The following LHX4 variants were observed in gnomAD, a reference collection of about 807,000 sequenced individuals.
The protein encoded by LHX4 is LIM/homeobox protein Lhx4.
A neutral mutation model predicts 39.2 loss-of-function variants in LHX4; 16 were observed. The ratio of observed to expected loss-of-function variants is 0.41; its 90% CI spans 0.28 to 0.62. The LOEUF (loss-of-function observed/expected upper bound fraction) is 0.62, where lower values mean the gene tolerates loss of function less well. Ranked by LOEUF, LHX4 falls within the 20% of genes least tolerant of loss-of-function variation. The pLI, the probability that LHX4 is intolerant of heterozygous loss-of-function variation, is 0.33. For synonymous variants in LHX4, 206 were observed against 198.1 expected (o/e 1.04, Z -0.33); for missense variants, 439 against 511.9 (o/e 0.86, Z 1.37).
chr1:180,242,593 A>G (rs1664466904), intron 1 of LHX4, among the ~76,000 whole-genome samples: 3 of 152,076 alleles, frequency 2.0e-5, no homozygotes, highest in Admixed American at 2.0e-4. Context: ...GCTTAGGTCT[A>G]TGCCTCGACT....
chr1:180,244,925 A>G (rs1167963937), intron 1 of LHX4, among the ~76,000 whole-genome samples: 1 of 151,836 alleles, frequency 6.6e-6, no homozygotes, highest in Non-Finnish European at 1.5e-5. Context: ...CCCTCCCTGC[A>G]CAGCTGTGCC....
intron 2 of LHX4, among the ~76,000 whole-genome samples, chr1:180,260,090 G>A (rs1007697001): frequency 2.6e-5 from 4 of 151,744 alleles, no homozygotes; most frequent in East Asian, 1.9e-4. Flanking sequence ...TCACCCAGGC[G>A]GGAAGCAAGT....
chr1:180,266,328 A>C lies in LHX4; in HGVS notation c.249-64A>C. 6.5e-7 allele frequency: 1 copy of C among 1,537,608 alleles called. No individual in the cohort carries two copies. Among genetic ancestry groups the C allele is most frequent in the South Asian group, 1.1e-5 (1 of 89,444 alleles). ...GGGGTAGGAGGGAGGCTGCTCCAGGAAGTTGGGGGAAGCCAGATCCCTTGC... is the reference window on the plus strand; with the variant it reads ...GGGGTAGGAGGGAGGCTGCTCCAGGCAGTTGGGGGAAGCCAGATCCCTTGC... On this transcript the variant is annotated intron_variant, in intron 2 of 5. Coordinates refer to ENST00000263726, the MANE Select transcript of LHX4 (RefSeq NM_033343.4). This position sits in a 1 kb window ranked among gnomAD's most constrained non-coding sequence, Gnocchi z 5.7.
intron 2 of LHX4, among the ~76,000 whole-genome samples, chr1:180,253,835 C>T (rs886260061): frequency 6.6e-6 from 1 of 152,170 alleles, no homozygotes; most frequent in African/African-American, 2.4e-5. Context: ...CTTTCCTGGT[C>T]TCCCCTGTAC....
intron 2 of LHX4, among the ~76,000 whole-genome samples, chr1:180,251,302 C>T (rs1647619273): frequency 6.6e-6 from 1 of 152,224 alleles, no homozygotes; most frequent in African/African-American, 2.4e-5. Context: ...TGGGCTGCCG[C>T]CTCCACACGC....
At chr1:180,229,474 C>G (rs1227002398), upstream of LHX4, among the ~76,000 whole-genome samples, 1 of 152,162 alleles carries the variant, frequency 6.6e-6, no homozygotes, top group East Asian at 1.9e-4. Flanking sequence ...GGTCCCCTTC[C>G]CCAGCCCGGG....
In LHX4 at chr1:180,234,220, T is replaced by TATATATATATATATATAA. The variant is rs1389328209; in HGVS notation, c.76+3616_76+3617insTATATATATATATATAAA. Among the ~76,000 whole-genome samples the TATATATATATATATATAA allele has an allele frequency of 1.4e-5, 1 of 70,230 alleles. No homozygotes were observed. Among genetic ancestry groups the TATATATATATATATATAA allele is most frequent in the African/African-American group, 7.6e-5 (1 of 13,230 alleles). 46.1% of individuals were successfully genotyped at this position (70,230 alleles called of 152,430 possible). A position where few individuals can be genotyped will look rare whatever the true frequency, so the allele number is the denominator to read the frequency against. On this transcript the variant is annotated intron_variant, in intron 1 of 5. Coordinates refer to ENST00000263726, the MANE Select transcript of LHX4 (RefSeq NM_033343.4). This position sits in a 1 kb window ranked among gnomAD's most constrained non-coding sequence, Gnocchi z 4.8. ...ATATATATATATATATATATATATATAATAGATTGAGATTCTATCATATTC... is the reference window on the plus strand; with the variant it reads ...ATATATATATATATATATATATATATATATATATATATATATAAAATAGATTGAGATTCTATCATATTC...
intron 2 of LHX4, among the ~76,000 whole-genome samples, chr1:180,250,831 GA>G (rs1647600445): frequency 6.6e-6 from 1 of 152,320 alleles, no homozygotes; most frequent in African/African-American, 2.4e-5. Flanking sequence ...TAATGACCAG[GA>G]AAGAGGGTCT....
chr1:180,271,804 C>T (rs755919874), intron 4 of LHX4, 31 bp from the exon 5 acceptor site: 3 of 1,613,122 alleles, frequency 1.9e-6, no homozygotes, highest in Non-Finnish European at 2.5e-6. Context: ...GTGGACGCCC[C>T]CTGAGTATGT....
intron 1 of LHX4, among the ~76,000 whole-genome samples, chr1:180,231,554 T>TCGCGCGCGCG (rs3041737): frequency 1.5e-5 from 2 of 132,666 alleles, no homozygotes; most frequent in Non-Finnish European, 3.3e-5. Context: ...TGCCCAGTCG[T>TCGCGCGCGCG]CGCGCGCGCG....
intron 1 of LHX4, among the ~76,000 whole-genome samples, chr1:180,246,454 G>A (rs1402363676): frequency 1.3e-5 from 2 of 152,214 alleles, no homozygotes; most frequent in Non-Finnish European, 2.9e-5. Context: ...GCTCACGCCT[G>A]TAATCCCAGC....
Position 180,274,333 on chromosome 1 carries a change from A to G in LHX4, c.927A>G (p.Gly309=). The G allele has an allele frequency of 1.2e-6, 2 of 1,614,178 alleles. No individual in the cohort carries two copies. Among genetic ancestry groups the G allele is most frequent in the Non-Finnish European group, 1.7e-6 (2 of 1,180,024 alleles). Residue 309 remains glycine, a synonymous_variant, in exon 6 of 6, where the codon GGA becomes GGG. Transcript: ENST00000263726. Reference sequence around the variant, plus strand: ...ACTTGAGGGATGGGAGCCCCTATGGAATCCCCCAGTCTCCATCCTCCATAT... The same window carrying G: ...ACTTGAGGGATGGGAGCCCCTATGGGATCCCCCAGTCTCCATCCTCCATAT... ...YQDLRDGSPY[G]IPQSPSSISS... is the part of the protein sequence containing the mutation.
intron 2 of LHX4, among the ~76,000 whole-genome samples, chr1:180,254,745 A>C (rs1329508852): frequency 1.3e-5 from 2 of 152,200 alleles, no homozygotes; most frequent in African/African-American, 4.8e-5. Flanking sequence ...GTTAGACATC[A>C]CCAAGCCTCG....
chr1:180,263,129 G>T (rs1261400811), intron 2 of LHX4, among the ~76,000 whole-genome samples: 3 of 152,204 alleles, frequency 2.0e-5, no homozygotes, highest in African/African-American at 7.2e-5. Context: ...CTCTTCCTTG[G>T]CTGGAGTCCA....
chr1:180,238,716 T>C (rs1013770816), intron 1 of LHX4, among the ~76,000 whole-genome samples: 3 of 152,208 alleles, frequency 2.0e-5, no homozygotes, highest in Admixed American at 2.0e-4. Context: ...ATAAAAACAT[T>C]TTGGAAAATT....
chr1:180,249,891 GTGTA>G lies in LHX4; in HGVS notation c.248+1438_248+1441del, dbSNP rs1209369307. 3.3e-5 allele frequency among the ~76,000 whole-genome samples: 5 copies of G among 149,634 alleles called. 1 individual carries two copies. The East Asian group carries it at 5.8e-4, about 17-fold the overall frequency. ...TACGTGTGTGTGCGTGTGTGAGTGT[GTGTA>G]TGAGTGTGTGTGTGACAGTGTGTGT... is the stretch of plus-strand genomic sequence containing the variant. On this transcript the variant is annotated intron_variant, in intron 2 of 5. Coordinates refer to ENST00000263726, the MANE Select transcript of LHX4 (RefSeq NM_033343.4).
chr1:180,258,033 C>T (rs1434316406), intron 2 of LHX4, among the ~76,000 whole-genome samples: 1 of 152,248 alleles, frequency 6.6e-6, no homozygotes, highest in Non-Finnish European at 1.5e-5. Context: ...ATCATACATG[C>T]ACTGAGCACA....
In LHX4 at chr1:180,274,340, C is replaced by T; in HGVS notation, c.934C>T (p.Gln312Ter). 1 of 1,614,238 alleles carries T rather than the reference C, an allele frequency of 6.2e-7. No individual in the cohort carries two copies. Among genetic ancestry groups the T allele is most frequent in the Non-Finnish European group, 8.5e-7 (1 of 1,180,046 alleles). Residue 312 changes from glutamine to a stop codon, truncating the protein, a stop_gained, in exon 6 of 6, where the codon CAG (glutamine) becomes TAG (stop). Coordinates refer to ENST00000263726, the MANE Select transcript of LHX4 (RefSeq NM_033343.4). LOFTEE classifies it high-confidence loss of function. The part of the protein sequence containing the change: ...LRDGSPYGIP[Q>*]SPSSISSLPS... ...GGATGGGAGCCCCTATGGAATCCCC[C>T]AGTCTCCATCCTCCATATCGTCCCT...
intron 1 of LHX4, among the ~76,000 whole-genome samples, chr1:180,240,509 A>T (rs1664422403): frequency 6.6e-6 from 1 of 151,730 alleles, no homozygotes; most frequent in Non-Finnish European, 1.5e-5. Context: ...CTTTAGTGGA[A>T]TTTTTTTTTC....
Sources: allele counts gnomAD v4.1 joint callset (sites outside exome capture counted in the v4.1 genomes callset), GRCh38; gene constraint gnomAD v4.1.1; non-coding constraint Gnocchi (gnomAD v3.1); transcripts MANE v1.5; gene names NCBI Gene and HGNC (gene_info 2026-07-23, HGNC 2026-07-21).